The following XXYLT1 variants were observed in gnomAD, a reference collection of about 807,000 sequenced individuals.
XXYLT1 encodes xyloside xylosyltransferase 1.
Under a neutral mutation model 28.9 loss-of-function variants are expected in XXYLT1, and 20 were observed. The observed-to-expected ratio is 0.69, with a 90% CI of 0.49 to 1.00. The LOEUF is 1.00. Ranked by LOEUF, XXYLT1 falls within the 50% of genes least tolerant of loss-of-function variation. The pLI, the probability that XXYLT1 is intolerant of heterozygous loss-of-function variation, is 0.00. For synonymous variants in XXYLT1, 257 were observed against 253.8 expected, an observed-to-expected ratio of 1.01 and a Z score of -0.12; for missense variants, 542 against 560.1, an observed-to-expected ratio of 0.97 and a Z score of 0.33.
intron 3 of XXYLT1, among the ~76,000 whole-genome samples, chr3:195,126,903 G>A (rs1718662591): frequency 6.6e-6 from 1 of 152,228 alleles, no homozygotes; most frequent in Admixed American, 6.5e-5. Context: ...TGCAGTTATG[G>A]TGTTATAAAA....
At chr3:195,169,698 A>G (rs1721300686) in intron 2 of XXYLT1, among the ~76,000 whole-genome samples, 1 of 152,050 alleles carries the variant, frequency 6.6e-6, no homozygotes, top group Admixed American at 6.6e-5. Flanking sequence ...TTTCTTCCCT[A>G]TAGTCTTCCT....
intron 1 of XXYLT1, among the ~76,000 whole-genome samples, chr3:195,241,782 C>T (rs1237938541): frequency 6.6e-6 from 1 of 152,028 alleles, no homozygotes; most frequent in African/African-American, 2.4e-5. Context: ...CTACCACCCT[C>T]ACCACCAACA....
At chr3:195,134,683 TG>T in intron 3 of XXYLT1, 1 of 156,076 alleles carries the variant, frequency 6.4e-6, no homozygotes, top group Non-Finnish European at 1.5e-5. Context: ...AGCTACAAGC[TG>T]GGGCCCTGGC....
At chr3:195,143,821 G>T (rs1212433024) in intron 3 of XXYLT1, among the ~76,000 whole-genome samples, 756 of 72,766 alleles carry the variant, frequency 0.01, 34 homozygotes, top group African/African-American at 0.025. Flanking sequence ...TATAGATATA[G>T]ATATATATAG....
intron 1 of XXYLT1, among the ~76,000 whole-genome samples, chr3:195,234,058 A>G (rs1051692121): frequency 2.0e-5 from 3 of 149,512 alleles, no homozygotes; most frequent in Middle Eastern, 3.3e-3. Context: ...CTGGGACTAC[A>G]GACGCCCGCC....
At chr3:195,091,053 A>G (rs998966770) in intron 3 of XXYLT1, among the ~76,000 whole-genome samples, 6 of 150,384 alleles carry the variant, frequency 4.0e-5, no homozygotes, top group African/African-American at 1.5e-4. Context: ...CCAATCAAAA[A>G]GAGTCCAGCA....
In XXYLT1 at chr3:195,077,659, G is replaced by T. The variant is rs1393657114; in HGVS notation, c.786-7548C>A. 2.6e-5 allele frequency among the ~76,000 whole-genome samples: 4 copies of T among 152,188 alleles called. No individual in the cohort carries two copies. The highest frequency in any genetic ancestry group is 9.6e-5 in the African/African-American group (4 of 41,454). On this transcript the variant is annotated intron_variant, in intron 3 of 3. Transcript: ENST00000310380. The surrounding 1 kb of genome is among the most constrained non-coding windows in gnomAD (Gnocchi z 4.8). ...GCGGCCTGGGGCTGGACGTCGTAGG[G>T]GGTGAATGGCCCTGATGGCAAGGCC...
intron 2 of XXYLT1, among the ~76,000 whole-genome samples, chr3:195,185,512 T>G (rs1278999207): frequency 1.1e-4 from 16 of 151,486 alleles, no homozygotes; most frequent in African/African-American, 3.6e-4. Flanking sequence ...GGTTTTTTTT[T>G]TTTTTTTTTT....
chr3:195,136,394 A>G (rs563230938), intron 3 of XXYLT1, among the ~76,000 whole-genome samples: 4 of 152,250 alleles, frequency 2.6e-5, no homozygotes, highest in East Asian at 1.9e-4. Context: ...ACTGCAAAAC[A>G]TCTCAAGAGC....
intron 2 of XXYLT1, among the ~76,000 whole-genome samples, chr3:195,159,788 G>C (rs1472700845): frequency 1.3e-5 from 2 of 152,128 alleles, no homozygotes; most frequent in African/African-American, 4.8e-5. Flanking sequence ...ACACCACAGA[G>C]GGCCACATGC....
chr3:195,166,096 T>C (rs541953269), intron 2 of XXYLT1, among the ~76,000 whole-genome samples: 7 of 152,048 alleles, frequency 4.6e-5, no homozygotes, highest in East Asian at 3.9e-4. Context: ...CCAATTTTCA[T>C]TGGAAATACA....
chr3:195,159,102 A>T (rs911668093), intron 2 of XXYLT1, among the ~76,000 whole-genome samples: 4 of 152,226 alleles, frequency 2.6e-5, no homozygotes, highest in Admixed American at 2.6e-4. Context: ...CTGCCCCCAA[A>T]GCCAGGAAGA....
chr3:195,246,958 C>T (rs373634007), intron 1 of XXYLT1, among the ~76,000 whole-genome samples: 3 of 152,294 alleles, frequency 2.0e-5, no homozygotes, highest in South Asian at 4.1e-4. Context: ...TACAAATGCA[C>T]GGAGTCACTC....
intron 2 of XXYLT1, among the ~76,000 whole-genome samples, chr3:195,223,619 T>A (rs970551605): frequency 6.6e-6 from 1 of 152,170 alleles, no homozygotes; most frequent in African/African-American, 2.4e-5. Flanking sequence ...TTAAGAATCA[T>A]GACAAACTCA....
intron 2 of XXYLT1, among the ~76,000 whole-genome samples, chr3:195,183,064 G>A (rs550854425): frequency 2.0e-5 from 3 of 152,240 alleles, no homozygotes; most frequent in African/African-American, 7.2e-5. Context: ...ACGGAAGCTC[G>A]GGCAGGACAA....
chr3:195,141,552 G>A (rs1719490780), intron 3 of XXYLT1, among the ~76,000 whole-genome samples: 1 of 152,172 alleles, frequency 6.6e-6, no homozygotes, highest in Non-Finnish European at 1.5e-5. Context: ...CTATGGCAGG[G>A]CTACACTGCC....
At chr3:195,112,453 C>A (rs943729036) in intron 3 of XXYLT1, among the ~76,000 whole-genome samples, 4 of 151,220 alleles carry the variant, frequency 2.6e-5, no homozygotes, top group African/African-American at 9.8e-5. Flanking sequence ...CACACCCACA[C>A]GCATGTGCAC....
chr3:195,151,094 T>A (rs1423808073), intron 3 of XXYLT1, among the ~76,000 whole-genome samples: 1 of 152,022 alleles, frequency 6.6e-6, no homozygotes, highest in Non-Finnish European at 1.5e-5. Flanking sequence ...TTACCCTGGT[T>A]TCCCTGCAAG....
rs115384541 is a variant in XXYLT1, at chr3:195,238,927, G to T, written c.505-12071C>A. On this transcript the variant is annotated intron_variant, in intron 1 of 3. Coordinates refer to ENST00000310380, the MANE Select transcript of XXYLT1 (RefSeq NM_152531.5). The stretch of plus-strand genomic sequence containing the variant: ...TGCGCAGGCATACACGCAGAGCAGG[G>T]CTGCTGCAGCCAAACTAAGGGAGAT... Among the ~76,000 whole-genome samples, 846 of 152,264 alleles carry T rather than the reference G, an allele frequency of 5.6e-3. 16 individuals are homozygous for T. Among genetic ancestry groups the T allele is most frequent in the African/African-American group, 0.02 (815 of 41,550 alleles).
Sources: allele counts gnomAD v4.1 joint callset (sites outside exome capture counted in the v4.1 genomes callset), GRCh38; gene constraint gnomAD v4.1.1; non-coding constraint Gnocchi (gnomAD v3.1); transcripts MANE v1.5; gene names NCBI Gene and HGNC (gene_info 2026-07-23, HGNC 2026-07-21).